Variants in BICC1 observed in about 807,000 individuals in gnomAD.
BICC1 encodes the protein BicC family RNA binding protein 1.
In BICC1, 43 loss-of-function variants were observed where a neutral mutation model predicts 111.0. The observed-to-expected ratio is 0.39, with a 90% confidence interval of 0.30 to 0.50. The LOEUF (loss-of-function observed/expected upper bound fraction) is 0.50, where lower values mean the gene tolerates loss of function less well. Ranked by LOEUF, BICC1 falls within the 20% of genes least tolerant of loss-of-function variation. The probability of loss-of-function intolerance (pLI) is 0.88; values close to 1 mark genes in which losing one functional copy is unlikely to be tolerated. For synonymous variants in BICC1, 467 were observed against 434.4 expected (o/e 1.07, Z -0.93); for missense variants, 1,091 against 1,203.2 (o/e 0.91, Z 1.38).
chr10:58,530,647 T>G (rs545509644), intron 1 of BICC1, among the ~76,000 whole-genome samples: 3 of 147,776 alleles, frequency 2.0e-5, no homozygotes, highest in African/African-American at 7.5e-5. Flanking sequence ...TATATAAGAT[T>G]GTGTGTCCAG....
At chr10:58,531,427 T>C (rs1184200539) in intron 1 of BICC1, among the ~76,000 whole-genome samples, 2 of 151,876 alleles carry the variant, frequency 1.3e-5, no homozygotes, top group Non-Finnish European at 1.5e-5. Flanking sequence ...CTAGCTGGGC[T>C]GATTGGTGAA....
intron 2 of BICC1, among the ~76,000 whole-genome samples, chr10:58,669,844 A>C (rs371850751): frequency 3.9e-5 from 6 of 152,140 alleles, no homozygotes; most frequent in Non-Finnish European, 8.8e-5. Context: ...CTGCAAAGTA[A>C]ATGTTTTGGG....
intron 8 of BICC1, among the ~76,000 whole-genome samples, chr10:58,792,914 T>A (rs986640739): frequency 6.6e-6 from 1 of 151,864 alleles, no homozygotes; most frequent in Non-Finnish European, 1.5e-5. Context: ...ACCAGAAAGG[T>A]TGGGGACCCC....
chr10:58,653,688 T>TTA (rs1276578346), intron 2 of BICC1, among the ~76,000 whole-genome samples: 71 of 152,086 alleles, frequency 4.7e-4, no homozygotes, highest in African/African-American at 1.7e-3. Flanking sequence ...TCTTTTTTTT[T>TTA]TTATTATTAT....
chr10:58,812,264 A>G (rs1843932647), intron 17 of BICC1, among the ~76,000 whole-genome samples: 1 of 152,070 alleles, frequency 6.6e-6, no homozygotes, highest in Non-Finnish European at 1.5e-5. Context: ...GGAGGAACCA[A>G]GGATGACCCT....
intron 1 of BICC1, among the ~76,000 whole-genome samples, chr10:58,601,173 T>TATATATATATATAAAA (rs752405472): frequency 3.8e-5 from 5 of 131,090 alleles, no homozygotes; most frequent in African/African-American, 1.4e-4. Flanking sequence ...TATATATATC[T>TATATATATATATAAAA]CCCAATAAAA....
intron 3 of BICC1, among the ~76,000 whole-genome samples, chr10:58,704,872 C>G (rs931453045): frequency 6.6e-6 from 1 of 152,190 alleles, no homozygotes; most frequent in Non-Finnish European, 1.5e-5. Flanking sequence ...TGAGCCTAGA[C>G]AAACATTTTT....
intron 18 of BICC1, among the ~76,000 whole-genome samples, chr10:58,815,391 CA>C (rs1293610164): frequency 6.6e-6 from 1 of 152,178 alleles, no homozygotes; most frequent in Non-Finnish European, 1.5e-5. Context: ...CCACCACTGA[CA>C]GTATGATCAA....
chr10:58,573,485 C>T (rs538850177), intron 1 of BICC1, among the ~76,000 whole-genome samples: 14 of 152,190 alleles, frequency 9.2e-5, no homozygotes, highest in Admixed American at 2.6e-4. Flanking sequence ...TGCTAATGCT[C>T]CTAAACCAAT....
intron 3 of BICC1, among the ~76,000 whole-genome samples, chr10:58,761,671 G>A (rs1842320197): frequency 6.6e-6 from 1 of 152,114 alleles, no homozygotes; most frequent in African/African-American, 2.4e-5. Flanking sequence ...CCTTGAGTAA[G>A]TGTGAGGAAA....
chr10:58,675,934 C>T (rs1442524424), intron 2 of BICC1, among the ~76,000 whole-genome samples: 2 of 152,176 alleles, frequency 1.3e-5, no homozygotes, highest in African/African-American at 2.4e-5. Context: ...ACTGAGGTAC[C>T]CGGTTCATCT....
intron 3 of BICC1, among the ~76,000 whole-genome samples, chr10:58,777,473 T>A (rs1044052005): frequency 6.6e-6 from 1 of 152,178 alleles, no homozygotes; most frequent in African/African-American, 2.4e-5. Context: ...GGTAGCTCTT[T>A]TTTATCCAAT....
intron 1 of BICC1, among the ~76,000 whole-genome samples, chr10:58,560,467 A>G (rs890077855): frequency 2.2e-4 from 34 of 151,990 alleles, no homozygotes; most frequent in African/African-American, 7.5e-4. Flanking sequence ...TGGTTAGTCT[A>G]TCTAGTGGTT....
At chr10:58,789,118 T>G in intron 6 of BICC1, 144 bp from the exon 7 acceptor site, 1 of 647,018 alleles carries the variant, frequency 1.5e-6, no homozygotes, top group Non-Finnish European at 2.5e-6. Context: ...AAAAAAAACT[T>G]TATATAATGT....
At chr10:58,739,419 C>G (rs1444753397) in intron 3 of BICC1, among the ~76,000 whole-genome samples, 1 of 152,092 alleles carries the variant, frequency 6.6e-6, no homozygotes, top group Admixed American at 6.6e-5. Context: ...GCCTTGCATC[C>G]CAGGGATGAA....
At chr10:58,761,999 C>T (rs1358727352) in intron 3 of BICC1, among the ~76,000 whole-genome samples, 1 of 152,090 alleles carries the variant, frequency 6.6e-6, no homozygotes, top group East Asian at 1.9e-4. Context: ...AGGTATGAGT[C>T]CAGGATCAGT....
At chr10:58,670,258 C>A (rs1017198590) in intron 2 of BICC1, among the ~76,000 whole-genome samples, 3 of 152,126 alleles carry the variant, frequency 2.0e-5, no homozygotes, top group Non-Finnish European at 4.4e-5. Context: ...AGCGTGCATA[C>A]CAATTACTAG....
At chr10:58,591,309 A>C (rs912306520) in intron 1 of BICC1, among the ~76,000 whole-genome samples, 1 of 152,308 alleles carries the variant, frequency 6.6e-6, no homozygotes, top group Non-Finnish European at 1.5e-5. Flanking sequence ...TGTCATTAGC[A>C]TAGTAAAAAC....
intron 18 of BICC1, among the ~76,000 whole-genome samples, chr10:58,815,973 G>A (rs1844074238): frequency 6.6e-6 from 1 of 152,062 alleles, no homozygotes; most frequent in Admixed American, 6.5e-5. Context: ...GCCATGTGTG[G>A]CCAATGGCTA....
Sources: gnomAD v4.1 joint callset for allele counts (sites outside exome capture counted in the v4.1 genomes callset) on GRCh38, gnomAD v4.1.1 for gene constraint, MANE v1.5 for transcripts, NCBI Gene and HGNC (gene_info 2026-07-23, HGNC 2026-07-21) for gene names.